TENM4: variants seen among roughly 807,000 people sequenced by gnomAD.
TENM4 encodes teneurin transmembrane protein 4.
TENM4 carries 82 observed loss-of-function variants against 243.3 expected under a neutral mutation model. The observed-to-expected ratio is 0.34, with a 90% CI of 0.28 to 0.40. TENM4 has a LOEUF of 0.40. Among genes scored for constraint, TENM4 ranks in the 10% least tolerant of loss-of-function variants. The pLI is 1.00. For synonymous variants in TENM4, 1,412 were observed against 1,456.3 expected, an observed-to-expected ratio of 0.97 and a Z score of 0.69; for missense variants, 3,138 against 3,673.3, an observed-to-expected ratio of 0.85 and a Z score of 3.77.
chr11:78,755,022 C>T (rs959532678), intron 19 of TENM4, among the ~76,000 whole-genome samples: 5 of 152,218 alleles, frequency 3.3e-5, no homozygotes, highest in African/African-American at 1.2e-4. Context: ...CTGCATCCCG[C>T]TCCGTCATGT....
intron 1 of TENM4, among the ~76,000 whole-genome samples, chr11:79,307,598 A>T (rs1458505115): frequency 6.6e-6 from 1 of 152,162 alleles, no homozygotes; most frequent in African/African-American, 2.4e-5. Flanking sequence ...TCCTCATAGA[A>T]GATGTGACCC....
chr11:79,068,840 GGA>G (rs1313049877), intron 5 of TENM4, among the ~76,000 whole-genome samples: 2 of 152,156 alleles, frequency 1.3e-5, no homozygotes, highest in African/African-American at 4.8e-5. Context: ...GGTGGAGTGT[GGA>G]GAGTTAGGGG....
intron 12 of TENM4, among the ~76,000 whole-genome samples, chr11:78,819,317 T>A (rs1857675458): frequency 6.6e-6 from 1 of 152,216 alleles, no homozygotes; most frequent in Non-Finnish European, 1.5e-5. Flanking sequence ...AACTAAGTTC[T>A]CCTGAGTCCA....
chr11:79,300,404 G>A (rs778894505), intron 1 of TENM4, among the ~76,000 whole-genome samples: 8 of 152,078 alleles, frequency 5.3e-5, no homozygotes, highest in Non-Finnish European at 1.2e-4. Flanking sequence ...TCCTACTGAT[G>A]GACACAGCAT....
At chr11:78,777,485 C>T (rs72939840) in intron 17 of TENM4, among the ~76,000 whole-genome samples, 8 of 152,090 alleles carry the variant, frequency 5.3e-5, no homozygotes, top group African/African-American at 1.9e-4. Context: ...TAATGAAGTC[C>T]TTCTTCAAAT....
At chr11:79,279,153 GGC>G (rs1856111908) in intron 2 of TENM4, among the ~76,000 whole-genome samples, 1 of 152,162 alleles carries the variant, frequency 6.6e-6, no homozygotes, top group Admixed American at 6.5e-5. Flanking sequence ...GGGACTCCTT[GGC>G]TGAGCACCAG....
chr11:78,934,479 C>A (rs1439219768), intron 6 of TENM4, among the ~76,000 whole-genome samples: 2 of 152,106 alleles, frequency 1.3e-5, no homozygotes, highest in Non-Finnish European at 2.9e-5. Context: ...GCCTTAGTTT[C>A]TTTATCTTTC....
chr11:78,788,406 G>A (rs1856983520), intron 15 of TENM4, among the ~76,000 whole-genome samples: 1 of 152,254 alleles, frequency 6.6e-6, no homozygotes, highest in Admixed American at 6.5e-5. Flanking sequence ...TGTAAAGTGG[G>A]AAGGGACATC....
chr11:79,294,318 G>T (rs1432597663), intron 2 of TENM4, among the ~76,000 whole-genome samples: 2 of 152,122 alleles, frequency 1.3e-5, no homozygotes, highest in Admixed American at 1.3e-4. Context: ...TGAAGAAATT[G>T]AGGCTGAAAG....
intron 2 of TENM4, among the ~76,000 whole-genome samples, chr11:79,260,813 TG>T (rs1033798919): frequency 3.3e-5 from 5 of 152,216 alleles, no homozygotes; most frequent in Admixed American, 6.5e-5. Context: ...TGACACAGAC[TG>T]GCCTGAGGTT....
intron 11 of TENM4, 119 bp from the exon 12 acceptor site, chr11:78,854,433 A>C: frequency 6.6e-6 from 6 of 911,148 alleles, no homozygotes; most frequent in South Asian, 5.0e-5. Flanking sequence ...AAAGGGCCCA[A>C]AGAGGCTAAG....
chr11:78,933,515 T>C (rs1856716058), intron 6 of TENM4, among the ~76,000 whole-genome samples: 1 of 152,260 alleles, frequency 6.6e-6, no homozygotes. Context: ...TCAGTGCTGC[T>C]TGTAACTTTT....
At chr11:79,361,835 T>C (rs1857595130) in intron 1 of TENM4, among the ~76,000 whole-genome samples, 1 of 151,968 alleles carries the variant, frequency 6.6e-6, no homozygotes, top group Admixed American at 6.6e-5. Context: ...GTCAAATCAA[T>C]AGGAGGAAAG....
At chr11:79,164,722 C>T (rs1462773760) in intron 3 of TENM4, among the ~76,000 whole-genome samples, 1 of 151,368 alleles carries the variant, frequency 6.6e-6, no homozygotes, top group African/African-American at 2.4e-5. Flanking sequence ...CTTTCCCATG[C>T]TATTCTCATG....
At chr11:78,825,744 A>T (rs1178957515) in intron 12 of TENM4, among the ~76,000 whole-genome samples, 1 of 152,216 alleles carries the variant, frequency 6.6e-6, no homozygotes, top group Admixed American at 6.5e-5. Context: ...GAGGTCAAGT[A>T]AGAGTAAGAG....
intron 4 of TENM4, among the ~76,000 whole-genome samples, chr11:79,092,648 A>G (rs1860987017): frequency 6.6e-6 from 1 of 152,232 alleles, no homozygotes; most frequent in African/African-American, 2.4e-5. Flanking sequence ...CTTCATTCTT[A>G]TCCCCTGCTC....
intron 6 of TENM4, among the ~76,000 whole-genome samples, chr11:78,929,783 C>A (rs1856630581): frequency 6.6e-6 from 1 of 152,102 alleles, no homozygotes; most frequent in Admixed American, 6.5e-5. Context: ...CACCTCCAGA[C>A]TCTGTCATTT....
intron 21 of TENM4, 132 bp downstream of exon 21, chr11:78,732,184 G>T: frequency 1.5e-6 from 2 of 1,301,204 alleles, no homozygotes; most frequent in Non-Finnish European, 2.1e-6. Context: ...GCTGGATTTT[G>T]CATAACAGGC....
chr11:79,342,823 T>G (rs1194218928), intron 1 of TENM4, among the ~76,000 whole-genome samples: 1 of 152,182 alleles, frequency 6.6e-6, no homozygotes, highest in Non-Finnish European at 1.5e-5. Context: ...TTGGGCTCAT[T>G]ACCTTCAGCA....
Sources: gnomAD v4.1 joint callset for allele counts (sites outside exome capture counted in the v4.1 genomes callset) on GRCh38, gnomAD v4.1.1 for gene constraint, MANE v1.5 for transcripts, NCBI Gene and HGNC (gene_info 2026-07-23, HGNC 2026-07-21) for gene names.